The following TTF1 variants were observed in gnomAD, a reference collection of about 807,000 sequenced individuals.
TTF1 encodes transcription termination factor 1, also known as transcription termination factor, RNA polymerase I.
TTF1 carries 64 observed loss-of-function variants against 80.2 expected under a neutral mutation model. The ratio of observed to expected loss-of-function variants is 0.80; its 90% CI spans 0.65 to 0.98. TTF1 has a LOEUF of 0.98. Ranked by LOEUF, TTF1 falls within the 50% of genes least tolerant of loss-of-function variation. The pLI, the probability that TTF1 is intolerant of heterozygous loss-of-function variation, is 0.00. For synonymous variants in TTF1, 372 were observed against 382.7 expected (o/e 0.97, Z 0.33); for missense variants, 1,023 against 1,086.2 (o/e 0.94, Z 0.82).
intron 9 of TTF1, 130 bp from the exon 10 acceptor site, chr9:132,379,274 C>A: frequency 3.6e-6 from 2 of 554,084 alleles, no homozygotes; most frequent in Non-Finnish European, 6.0e-6. Flanking sequence ...GATCATCATA[C>A]ATGTGTGATA....
At chr9:132,382,717 C>A (rs2131624949) in intron 9 of TTF1, among the ~76,000 whole-genome samples, 1 of 146,934 alleles carries the variant, frequency 6.8e-6, no homozygotes, top group South Asian at 2.1e-4. Context: ...GGAGTTCAAG[C>A]ATAGCCTGGG....
At chr9:132,393,636 A>G in intron 5 of TTF1, among the ~76,000 whole-genome samples, 1 of 152,240 alleles carries the variant, frequency 6.6e-6, no homozygotes, top group East Asian at 1.9e-4. Context: ...CTTAGCTCTG[A>G]AGGCTGTGAG....
Position 132,402,341 on chromosome 9 carries a change from T to C in TTF1, c.481A>G (p.Ser161Gly). The C allele has an allele frequency of 2.5e-6, 4 of 1,614,178 alleles. No homozygotes were observed. In the South Asian group the frequency reaches 3.3e-5, roughly 13 times the overall value. ...SHAHKSEALHSKVREKKNKKH... is the reference protein window; with the variant it reads ...SHAHKSEALHGKVREKKNKKH... ...TTATTCTTTTTCTCCCTAACTTTAC[T>C]GTGCAGGGCTTCTGATTTATGTGCA... The change falls in exon 2 of 11, where the codon AGT (serine) becomes GGT (glycine). Residue 161 changes from serine to glycine, a missense_variant. Physicochemically the swap from Ser to Gly is moderately conservative, Grantham distance 56 (BLOSUM62 0). Transcript: ENST00000334270.
intron 9 of TTF1, among the ~76,000 whole-genome samples, chr9:132,385,779 C>CAGGCACTACGTTT (rs11272258): frequency 0.99 from 150,135 of 152,286 alleles, 74,041 homozygotes; most frequent in Non-Finnish European, 1. Context: ...AGTTCCTACT[C>CAGGCACTACGTTT]TGTGCCTGGT....
At chr9:132,380,000 C>A (rs1464494465) in intron 9 of TTF1, among the ~76,000 whole-genome samples, 3 of 152,076 alleles carry the variant, frequency 2.0e-5, no homozygotes, top group Non-Finnish European at 4.4e-5. Flanking sequence ...ATTCTTCCGA[C>A]CTCTTCATCA....
chr9:132,399,904 A>C, intron 3 of TTF1, 131 bp downstream of exon 3: 86 of 927,960 alleles, frequency 9.3e-5, no homozygotes, highest in Middle Eastern at 3.4e-4. Flanking sequence ...CAATTCTGGT[A>C]GGAGATAGAG....
chr9:132,392,241 C>G, intron 5 of TTF1, 35 bp from the exon 6 acceptor site: 1 of 1,612,324 alleles, frequency 6.2e-7, no homozygotes, highest in Non-Finnish European at 8.5e-7. Flanking sequence ...CAAGTTTAAA[C>G]GAACTATCAG....
In TTF1 at chr9:132,402,719, C is replaced by G; in HGVS notation, c.103G>C (p.Glu35Gln). Residue 35 changes from glutamate to glutamine, a missense_variant, in exon 2 of 11, where the codon GAA becomes CAA. Transcript: ENST00000334270. Reference protein sequence around the residue: ...HKERPQKHSHEIFRDSSLVNE... With the variant: ...HKERPQKHSHQIFRDSSLVNE... Reference sequence around the variant, plus strand: ...ACCAGGGAGGAGTCTCTGAAAATTTCGTGGGAATGTTTCTGAGGTCTTTCC... The same window carrying G: ...ACCAGGGAGGAGTCTCTGAAAATTTGGTGGGAATGTTTCTGAGGTCTTTCC... 1 of 1,614,026 alleles carries G rather than the reference C, an allele frequency of 6.2e-7. No homozygotes were observed. Among genetic ancestry groups the G allele is most frequent in the Non-Finnish European group, 8.5e-7 (1 of 1,180,024 alleles).
chr9:132,399,521 A>G (rs114843110), intron 3 of TTF1, among the ~76,000 whole-genome samples: 1 of 152,122 alleles, frequency 6.6e-6, no homozygotes, highest in African/African-American at 2.4e-5. Flanking sequence ...AATAAGCTTT[A>G]TTATTGGATT....
chr9:132,405,151 T>G (rs1203838066), intron 1 of TTF1, among the ~76,000 whole-genome samples: 1 of 152,086 alleles, frequency 6.6e-6, no homozygotes, highest in Non-Finnish European at 1.5e-5. Flanking sequence ...CCTCCCAAAG[T>G]GCTGGGATTA....
In TTF1 at chr9:132,398,141, C is replaced by T; in HGVS notation, c.1777G>A (p.Gly593Ser). The change falls in exon 4 of 11, where the codon GGT becomes AGT. Residue 593 changes from glycine to serine, a missense_variant and splice_region_variant. By Grantham distance (56) the Gly-to-Ser change is moderately conservative (BLOSUM62 0). Transcript: ENST00000334270. ...AAAGGGTGATTGTTTCTAAACTTAC[C>T]AATGTGTAATCTAAACGAGTATCTC... The part of the protein sequence containing the change: ...KRRYSFRLHI[G>S]RNIARPWKLI... 6.4e-7 allele frequency: 1 copy of T among 1,572,568 alleles called. No individual in the cohort carries two copies. Among genetic ancestry groups the T allele is most frequent in the Non-Finnish European group, 8.6e-7 (1 of 1,165,808 alleles).
chr9:132,379,415 G>A (rs990158534), intron 9 of TTF1, among the ~76,000 whole-genome samples: 7 of 152,308 alleles, frequency 4.6e-5, no homozygotes, highest in South Asian at 2.1e-4. Flanking sequence ...ATCACTAGTC[G>A]AGAAGGCAAA....
chr9:132,391,321 G>A (rs895309182), intron 6 of TTF1, among the ~76,000 whole-genome samples: 3 of 152,234 alleles, frequency 2.0e-5, no homozygotes, highest in African/African-American at 7.2e-5. Context: ...AAGTATCAAC[G>A]GTTCACCCTT....
intron 9 of TTF1, among the ~76,000 whole-genome samples, chr9:132,385,187 G>A (rs1849438993): frequency 6.6e-6 from 1 of 152,134 alleles, no homozygotes; most frequent in Non-Finnish European, 1.5e-5. Flanking sequence ...CTGGAGCTCT[G>A]AACAATCCTG....
rs1407417584 is a variant in TTF1 at position 132,402,060 on chromosome 9, C to G, written c.762G>C (p.Gln254His). 9.3e-6 allele frequency: 15 copies of G among 1,613,986 alleles called. No homozygotes were observed. The East Asian group carries it at 1.1e-4, about 12-fold the overall frequency. Residue 254 changes from glutamine (Q) to histidine (H), a missense_variant, in exon 2 of 11, where the codon CAG becomes CAC. Physicochemically the swap from Gln to His is conservative, Grantham distance 24. Transcript: ENST00000334270. Reference sequence around the variant, plus strand: ...TTTCATCATCCAAGCCCACAGTAGGCTGGGATTCCTGCATATCAGTCCCGG... The same window carrying G: ...TTTCATCATCCAAGCCCACAGTAGGGTGGGATTCCTGCATATCAGTCCCGG... ...REAGTDMQES[Q>H]PTVGLDDETP...
In TTF1 at chr9:132,384,146, C is replaced by A. The variant is rs1006064218; in HGVS notation, c.2378+2410G>T. 6.6e-6 allele frequency among the ~76,000 whole-genome samples: 1 copy of A among 152,060 alleles called. No individual in the cohort carries two copies. The highest frequency in any genetic ancestry group is 1.5e-5 in the Non-Finnish European group (1 of 67,994). On this transcript the variant is annotated intron_variant, in intron 9 of 10. Transcript: ENST00000334270. The surrounding 1 kb of genome is among the most constrained non-coding windows in gnomAD (Gnocchi z 4.1). Reference sequence around the variant, plus strand: ...AAGGACGGCTGGATTTTGACAGTTGCTGAACTGGGGTGATGGGTACATGAA... The same window carrying A: ...AAGGACGGCTGGATTTTGACAGTTGATGAACTGGGGTGATGGGTACATGAA...
rs114218721 is a variant in TTF1, at chr9:132,376,575, C to T, written c.2465-407G>A. 6.2e-3 allele frequency among the ~76,000 whole-genome samples: 938 copies of T among 151,966 alleles called. 7 individuals carry two copies. Among genetic ancestry groups the T allele is most frequent in the African/African-American group, 0.022 (902 of 41,422 alleles). On this transcript the variant is annotated intron_variant, in intron 10 of 10. Coordinates refer to ENST00000334270, the MANE Select transcript of TTF1 (RefSeq NM_007344.4). Reference sequence around the variant, plus strand: ...GCATGAGAGAGCACAGGCCTGCAAGCTCGTTAGTGAAAATCCAGGTTCTGG... The same window carrying T: ...GCATGAGAGAGCACAGGCCTGCAAGTTCGTTAGTGAAAATCCAGGTTCTGG...
In TTF1 at chr9:132,378,362, G is replaced by A. The variant is rs1268373541; in HGVS notation, c.2464+697C>T. ...CATGTGGTGTGAGTGCATGTGGTGC[G>A]TGTGAATGCATGTGGTGTGTGTGAG... On this transcript the variant is annotated intron_variant, in intron 10 of 10. Transcript: ENST00000334270. Among the ~76,000 whole-genome samples the A allele has an allele frequency of 1.0e-4, 10 of 95,818 alleles. 1 individual carries two copies. Among genetic ancestry groups the A allele is most frequent in the Non-Finnish European group, 2.0e-4 (8 of 40,430 alleles). The allele number at this position is 95,818 out of a possible 152,430, so 62.9% of individuals were successfully genotyped here.
chr9:132,388,346 T>TC, intron 7 of TTF1, 118 bp from the exon 8 acceptor site: 1 of 640,654 alleles, frequency 1.6e-6, no homozygotes, highest in East Asian at 3.3e-5. Flanking sequence ...ACTTTTCTTT[T>TC]TTTTTTTTGA....
Sources: allele counts gnomAD v4.1 joint callset (sites outside exome capture counted in the v4.1 genomes callset), GRCh38; gene constraint gnomAD v4.1.1; non-coding constraint Gnocchi (gnomAD v3.1); transcripts MANE v1.5; gene names NCBI Gene and HGNC (gene_info 2026-07-23, HGNC 2026-07-21).